PPARGC1A: variants seen among roughly 807,000 people sequenced by gnomAD.
PPARGC1A encodes the protein peroxisome proliferator-activated receptor gamma coactivator 1-alpha.
A neutral mutation model predicts 88.7 loss-of-function variants in PPARGC1A; 25 were observed. The ratio of observed to expected loss-of-function variants is 0.28; its 90% CI spans 0.21 to 0.39. The LOEUF (loss-of-function observed/expected upper bound fraction) is 0.39. PPARGC1A is among the 10% of genes least tolerant of loss of function. The probability of loss-of-function intolerance (pLI) is 1.00; values close to 1 mark genes in which losing one functional copy is unlikely to be tolerated. For missense variants in PPARGC1A, 880 were observed against 968.7 expected (o/e 0.91, Z 1.22); for synonymous variants, 363 against 355.6 (o/e 1.02, Z -0.24).
chr4:23,826,709 A>T (rs995761093), intron 5 of PPARGC1A, among the ~76,000 whole-genome samples: 2 of 152,076 alleles, frequency 1.3e-5, no homozygotes, highest in Non-Finnish European at 2.9e-5. Flanking sequence ...ATAACTAAAG[A>T]ATTTTGTCTG....
At chr4:24,087,307 T>C in the PPARGC1A span, among the ~76,000 whole-genome samples, 1 of 152,184 alleles carries the variant, frequency 6.6e-6, no homozygotes, top group East Asian at 1.9e-4. Context: ...TCACTTAGTT[T>C]TGACAAACAT....
At chr4:24,230,115 G>A in the PPARGC1A span, among the ~76,000 whole-genome samples, 1 of 152,030 alleles carries the variant, frequency 6.6e-6, no homozygotes, top group East Asian at 1.9e-4. Context: ...AACTAGACTG[G>A]GGTTATTACC....
the PPARGC1A span, among the ~76,000 whole-genome samples, chr4:23,965,468 A>G: frequency 6.6e-6 from 1 of 152,228 alleles, no homozygotes; most frequent in Non-Finnish European, 1.5e-5. Flanking sequence ...AGCCTCTACA[A>G]GTTACTCCAG....
the PPARGC1A span, among the ~76,000 whole-genome samples, chr4:24,275,209 G>A: frequency 3.2e-5 from 3 of 94,312 alleles, no homozygotes; most frequent in African/African-American, 1.3e-4. Flanking sequence ...AAGTAGGAGC[G>A]TGCTATTTAA....
chr4:23,820,617 G>T, intron 7 of PPARGC1A: 1 of 436,344 alleles, frequency 2.3e-6, no homozygotes, highest in Non-Finnish European at 4.6e-6. Context: ...CAGCTATTTT[G>T]AAATCAAATT....
the PPARGC1A span, among the ~76,000 whole-genome samples, chr4:24,288,875 T>C: frequency 6.6e-6 from 1 of 152,180 alleles, no homozygotes; most frequent in Non-Finnish European, 1.5e-5. Context: ...TAGTTACCAA[T>C]GCTTTTTGCT....
the PPARGC1A span, among the ~76,000 whole-genome samples, chr4:24,025,785 G>A: frequency 6.6e-6 from 1 of 152,080 alleles, no homozygotes; most frequent in South Asian, 2.1e-4. Flanking sequence ...AGTTGCTCTC[G>A]ACTGACCTAA....
the PPARGC1A span, among the ~76,000 whole-genome samples, chr4:24,023,511 G>A: frequency 6.6e-5 from 10 of 152,186 alleles, no homozygotes; most frequent in Non-Finnish European, 1.5e-4. Context: ...TCTGTGCACT[G>A]CAGAGTTTTC....
intron 10 of PPARGC1A, among the ~76,000 whole-genome samples, chr4:23,807,849 A>T (rs1009627371): frequency 6.6e-6 from 1 of 152,130 alleles, no homozygotes; most frequent in Non-Finnish European, 1.5e-5. Context: ...TGTATAGCAG[A>T]TCTCTATAAT....
chr4:23,984,355 C>T, the PPARGC1A span, among the ~76,000 whole-genome samples: 1 of 152,162 alleles, frequency 6.6e-6, no homozygotes, highest in African/African-American at 2.4e-5. Flanking sequence ...TAATGTCACT[C>T]CCTCTCTCTT....
the PPARGC1A span, among the ~76,000 whole-genome samples, chr4:24,428,449 A>AGC: frequency 6.6e-6 from 1 of 152,208 alleles, no homozygotes; most frequent in East Asian, 1.9e-4. Flanking sequence ...CAGTTTCCAA[A>AGC]GCAGCTCAGC....
the PPARGC1A span, among the ~76,000 whole-genome samples, chr4:24,079,398 T>C: frequency 2.0e-5 from 3 of 152,072 alleles, no homozygotes; most frequent in Admixed American, 1.3e-4. Flanking sequence ...CATATATTTA[T>C]TGGTAACATA....
the PPARGC1A span, among the ~76,000 whole-genome samples, chr4:24,189,077 G>A: frequency 6.6e-6 from 1 of 152,158 alleles, no homozygotes; most frequent in Non-Finnish European, 1.5e-5. Context: ...TTCCACTTAC[G>A]CAAGCTACTT....
the PPARGC1A span, among the ~76,000 whole-genome samples, chr4:23,999,513 T>TTTG: frequency 2.3e-4 from 35 of 152,282 alleles, no homozygotes; most frequent in East Asian, 2.3e-3. Context: ...GGGTTGATTT[T>TTTG]TTGTTGTTGT....
upstream of PPARGC1A, among the ~76,000 whole-genome samples, chr4:23,904,670 G>A (rs1719828786): frequency 6.6e-6 from 1 of 152,092 alleles, no homozygotes; most frequent in African/African-American, 2.4e-5. Flanking sequence ...TGACAGACAA[G>A]AGTCAGACCA....
chr4:24,364,923 G>A, the PPARGC1A span, among the ~76,000 whole-genome samples: 35 of 151,976 alleles, frequency 2.3e-4, no homozygotes, highest in Non-Finnish European at 4.4e-4. Flanking sequence ...GACACGTATC[G>A]ATACTCAATA....
At chr4:24,104,354 T>C in the PPARGC1A span, among the ~76,000 whole-genome samples, 3 of 152,128 alleles carry the variant, frequency 2.0e-5, no homozygotes, top group Non-Finnish European at 4.4e-5. Context: ...AAGTGTGAAA[T>C]AGGCTGTGTG....
At chr4:23,892,468 T>C (rs572760078), upstream of PPARGC1A, among the ~76,000 whole-genome samples, 8 of 151,370 alleles carry the variant, frequency 5.3e-5, no homozygotes, top group Non-Finnish European at 8.8e-5. Flanking sequence ...AAACTACAAC[T>C]GTAATGAGAG....
At chr4:24,324,427 C>T in the PPARGC1A span, among the ~76,000 whole-genome samples, 2 of 152,012 alleles carry the variant, frequency 1.3e-5, no homozygotes, top group African/African-American at 2.4e-5. Context: ...GGCAAGAACC[C>T]CCCACCCCTT....
Sources: gnomAD v4.1 joint callset for allele counts (sites outside exome capture counted in the v4.1 genomes callset) on GRCh38, gnomAD v4.1.1 for gene constraint, MANE v1.5 for transcripts, NCBI Gene and HGNC (gene_info 2026-07-23, HGNC 2026-07-21) for gene names.